Variants in PDE4B observed in about 807,000 individuals in gnomAD.
The protein encoded by PDE4B is phosphodiesterase 4B, also known as 3',5'-cyclic-AMP phosphodiesterase 4B.
PDE4B carries 20 observed loss-of-function variants against 82.2 expected under a neutral mutation model. That is an observed-to-expected ratio of 0.24 (90% confidence interval 0.17 to 0.35). The LOEUF (loss-of-function observed/expected upper bound fraction) is 0.35. Ranked by LOEUF, PDE4B falls within the 10% of genes least tolerant of loss-of-function variation. The pLI, the probability that PDE4B is intolerant of heterozygous loss-of-function variation, is 1.00. For missense variants in PDE4B, 655 were observed against 907.2 expected (o/e 0.72, Z 3.57); for synonymous variants, 320 against 318.9 (o/e 1.00, Z -0.04).
intron 3 of PDE4B, among the ~76,000 whole-genome samples, chr1:66,233,182 C>A (rs1440748942): frequency 6.6e-6 from 1 of 152,062 alleles, no homozygotes; most frequent in African/African-American, 2.4e-5. Context: ...CTTTCTGTCA[C>A]CATAGATTGA....
intron 3 of PDE4B, among the ~76,000 whole-genome samples, chr1:65,933,883 A>T (rs1313850181): frequency 6.6e-6 from 1 of 152,210 alleles, no homozygotes; most frequent in Non-Finnish European, 1.5e-5. Flanking sequence ...TAAAAGACAA[A>T]AGATATTGAA....
intron 3 of PDE4B, among the ~76,000 whole-genome samples, chr1:66,001,964 C>T (rs1278184287): frequency 6.6e-6 from 1 of 152,118 alleles, no homozygotes; most frequent in Non-Finnish European, 1.5e-5. Context: ...CTCAAGCAAT[C>T]TGCCTGCCTC....
chr1:66,219,592 G>GT (rs913493014), intron 3 of PDE4B, among the ~76,000 whole-genome samples: 1 of 152,146 alleles, frequency 6.6e-6, no homozygotes, highest in African/African-American at 2.4e-5. Flanking sequence ...TCTGCACCAT[G>GT]TTTTTATGCT....
intron 3 of PDE4B, among the ~76,000 whole-genome samples, chr1:66,191,159 G>A (rs1272538378): frequency 2.0e-5 from 3 of 152,106 alleles, no homozygotes; most frequent in Non-Finnish European, 4.4e-5. Context: ...ACATGTTAGT[G>A]TAGTATACAT....
At chr1:66,200,097 T>C (rs1570452883) in intron 3 of PDE4B, among the ~76,000 whole-genome samples, 1 of 152,212 alleles carries the variant, frequency 6.6e-6, no homozygotes, top group East Asian at 1.9e-4. Context: ...ATTTATTAAA[T>C]AGGGAATCCT....
At chr1:65,818,685 C>CACATATATATATATATATATATATAT (rs141035147) in intron 1 of PDE4B, among the ~76,000 whole-genome samples, 14 of 143,768 alleles carry the variant, frequency 9.7e-5, no homozygotes, top group African/African-American at 3.6e-4. Context: ...CACACACACA[C>CACATATATATATATATATATATATAT]ATATATATAT....
chr1:65,890,359 ACTGTTCT>A lies in PDE4B; in HGVS notation c.-70-22885_-70-22879del, dbSNP rs1463792201. On this transcript the variant is annotated intron_variant, in intron 1 of 16. Transcript: ENST00000341517. ...TATTTTAAATACAGTTAAAATCTAA[ACTGTTCT>A]TTCCCCTAGAAACTGGGGAATTCTG... Among the ~76,000 whole-genome samples, 5 of 152,082 alleles carry A rather than the reference ACTGTTCT, an allele frequency of 3.3e-5. No individual in the cohort carries two copies. In the East Asian group the frequency reaches 9.6e-4, roughly 29 times the overall value.
intron 7 of PDE4B, among the ~76,000 whole-genome samples, chr1:66,312,356 G>T (rs1233458761): frequency 4.0e-5 from 6 of 151,402 alleles, no homozygotes; most frequent in African/African-American, 1.5e-4. Context: ...TCTTTCTAGA[G>T]ACTCTAAGGG....
At position 66,002,515 on chromosome 1, in the gene PDE4B, C is replaced by G. The variant is rs11208786; in HGVS notation, c.281+83680C>G. ...TAAAATGGTTTCTAAGAGATGATGT[C>G]TATAAGATTCAAATTTTCTTCCTCA... On this transcript the variant is annotated intron_variant, in intron 3 of 16. Coordinates refer to ENST00000341517, the MANE Select transcript of PDE4B (RefSeq NM_002600.4). Among the ~76,000 whole-genome samples the G allele has an allele frequency of 5.0e-3, 752 of 151,828 alleles. 8 individuals carry two copies. The highest frequency in any genetic ancestry group is 0.016 in the African/African-American group (669 of 41,478).
At chr1:65,967,872 G>C (rs973072966) in intron 3 of PDE4B, among the ~76,000 whole-genome samples, 5 of 152,076 alleles carry the variant, frequency 3.3e-5, no homozygotes, top group Non-Finnish European at 5.9e-5. Context: ...CCTTTCGAGG[G>C]GTGAGGGGCT....
intron 1 of PDE4B, among the ~76,000 whole-genome samples, chr1:65,817,484 C>T (rs929903715): frequency 5.9e-5 from 9 of 152,324 alleles, no homozygotes; most frequent in Non-Finnish European, 1.0e-4. Flanking sequence ...TCCCAACTCA[C>T]TGCTGTGTAC....
At chr1:66,215,726 A>G (rs750455692) in intron 3 of PDE4B, among the ~76,000 whole-genome samples, 31 of 152,160 alleles carry the variant, frequency 2.0e-4, no homozygotes, top group Non-Finnish European at 4.4e-4. Context: ...GAGAGAGGCC[A>G]GGGAGAACTC....
intron 3 of PDE4B, among the ~76,000 whole-genome samples, chr1:66,187,576 C>T (rs1026420743): frequency 3.3e-5 from 5 of 152,200 alleles, no homozygotes; most frequent in Admixed American, 2.6e-4. Flanking sequence ...GCATATGTGT[C>T]GAAGAATTTA....
At chr1:66,309,443 C>T (rs1034775873) in intron 7 of PDE4B, among the ~76,000 whole-genome samples, 13 of 152,174 alleles carry the variant, frequency 8.5e-5, no homozygotes, top group African/African-American at 2.9e-4. Flanking sequence ...AATCAGATGA[C>T]GTGGTATATA....
At chr1:66,211,011 A>G (rs139888377) in intron 3 of PDE4B, among the ~76,000 whole-genome samples, 1 of 152,326 alleles carries the variant, frequency 6.6e-6, no homozygotes, top group Non-Finnish European at 1.5e-5. Flanking sequence ...GGTGTGGACC[A>G]AAAGCACTTG....
chr1:66,350,415 C>T (rs982200053), intron 8 of PDE4B, among the ~76,000 whole-genome samples: 94 of 152,018 alleles, frequency 6.2e-4, no homozygotes, highest in African/African-American at 2.2e-3. Context: ...CTCCTACTGA[C>T]CTCATCCTGA....
intron 1 of PDE4B, among the ~76,000 whole-genome samples, chr1:65,826,781 C>A (rs1646022766): frequency 6.6e-6 from 1 of 152,272 alleles, no homozygotes; most frequent in South Asian, 2.1e-4. Flanking sequence ...GGAGAAGGAA[C>A]ACTTAGGAAA....
intron 7 of PDE4B, among the ~76,000 whole-genome samples, chr1:66,322,693 G>A (rs1442778518): frequency 6.6e-5 from 10 of 151,446 alleles, no homozygotes; most frequent in African/African-American, 1.2e-4. Flanking sequence ...AAATAGGAAC[G>A]CAAAAAATTC....
At chr1:65,799,374 A>G (rs1363784631) in intron 1 of PDE4B, among the ~76,000 whole-genome samples, 4 of 152,164 alleles carry the variant, frequency 2.6e-5, no homozygotes, top group Admixed American at 2.6e-4. Flanking sequence ...TTGAGGTATA[A>G]TCTCTCAGTA....
Sources: allele counts gnomAD v4.1 joint callset (sites outside exome capture counted in the v4.1 genomes callset), GRCh38; gene constraint gnomAD v4.1.1; transcripts MANE v1.5; gene names NCBI Gene and HGNC (gene_info 2026-07-23, HGNC 2026-07-21).